Variants in SEC14L3 observed in about 807,000 individuals in gnomAD.
SEC14L3 encodes SEC14-like protein 3.
In SEC14L3, 56 loss-of-function variants were observed where a neutral mutation model predicts 57.4. The observed-to-expected ratio is 0.97, with a 90% CI of 0.79 to 1.22. The LOEUF is 1.22. Ranked by LOEUF, SEC14L3 falls within the 50% of genes most tolerant of loss-of-function variation. The pLI, the probability that SEC14L3 is intolerant of heterozygous loss-of-function variation, is 0.00. For synonymous variants in SEC14L3, 173 were observed against 194.4 expected, an observed-to-expected ratio of 0.89 and a Z score of 0.92; for missense variants, 485 against 511.7, an observed-to-expected ratio of 0.95 and a Z score of 0.50.
chr22:30,463,558 ATAATC>A (rs1388831930), intron 8 of SEC14L3, among the ~76,000 whole-genome samples: 2 of 152,210 alleles, frequency 1.3e-5, no homozygotes, highest in Non-Finnish European at 2.9e-5. Flanking sequence ...CCAGGCCCTC[ATAATC>A]TATCAAGTTC....
chr22:30,470,267 C>T lies in SEC14L3; in HGVS notation c.131-12G>A. On this transcript the variant is annotated splice_polypyrimidine_tract_variant and intron_variant, in intron 2 of 11. Coordinates refer to ENST00000215812, the MANE Select transcript of SEC14L3 (RefSeq NM_174975.5). ...GTCAAAATTCCGAGCTGTGGGAAAA[C>T]AGAAGGAAGGTGTGAGACAGGAAAG... 2 of 1,612,356 alleles carry T rather than the reference C, an allele frequency of 1.2e-6. No homozygotes were observed. The highest frequency in any genetic ancestry group is 1.3e-5 in the African/African-American group (1 of 75,012).
chr22:30,458,336 A>G (rs1033206732), downstream of SEC14L3, among the ~76,000 whole-genome samples: 3 of 152,166 alleles, frequency 2.0e-5, no homozygotes, highest in Admixed American at 2.0e-4. Flanking sequence ...CAGGATGCTG[A>G]GCTGAGGAAC....
downstream of SEC14L3, among the ~76,000 whole-genome samples, chr22:30,454,290 A>T (rs568534296): frequency 1.3e-3 from 202 of 152,030 alleles, no homozygotes; most frequent in African/African-American, 4.5e-3. Flanking sequence ...TCTGCAGCTT[A>T]AGAGGCTCTG....
intron 3 of SEC14L3, 28 bp from the exon 4 acceptor site, chr22:30,470,106 C>T (rs765249533): frequency 6.2e-7 from 1 of 1,608,436 alleles, no homozygotes; most frequent in East Asian, 2.2e-5. Flanking sequence ...GGTAAGATCC[C>T]ACTGGGCTCC....
chr22:30,455,125 A>G (rs1332955601), downstream of SEC14L3, among the ~76,000 whole-genome samples: 1 of 97,886 alleles, frequency 1.0e-5, no homozygotes, highest in South Asian at 2.6e-4. Context: ...TATTTAATAT[A>G]TATTATATTT....
chr22:30,453,179 T>C (rs766102046), intron 12 of SEC14L3, among the ~76,000 whole-genome samples: 3 of 152,208 alleles, frequency 2.0e-5, no homozygotes, highest in Non-Finnish European at 4.4e-5. Context: ...AGTATTGTCA[T>C]ATCCAGGTGG....
chr22:30,461,595 G>C lies in SEC14L3; in HGVS notation c.871C>G (p.Gln291Glu). Residue 291 changes from glutamine (Q) to glutamate (E), a missense_variant, in exon 10 of 12, where the codon CAA becomes GAA. Physicochemically the swap from Gln to Glu is conservative, Grantham distance 29. Transcript: ENST00000215812. ...GGAAATAGGATCTCGTATTCCACTT[G>C]GTGTGATGAGCCGCGGTTGATCTGC... ...SVQINRGSSH[Q>E]VEYEILFPGC... The C allele has an allele frequency of 6.2e-7, 1 of 1,614,112 alleles. No individual in the cohort carries two copies. Among genetic ancestry groups the C allele is most frequent in the Non-Finnish European group, 8.5e-7 (1 of 1,180,008 alleles).
At chr22:30,459,156 G>T (rs929476329), downstream of SEC14L3, 2 of 569,028 alleles carry the variant, frequency 3.5e-6, no homozygotes, top group Non-Finnish European at 4.4e-6. Flanking sequence ...CTTGGGGATG[G>T]CATGAGAATA....
chr22:30,470,793 AAAG>A (rs1157642737), intron 1 of SEC14L3: 4 of 717,320 alleles, frequency 5.6e-6, no homozygotes, highest in South Asian at 1.2e-4. Context: ...AAATGGTTAG[AAAG>A]AAGAATAGAT....
At position 30,459,592 on chromosome 22, in the gene SEC14L3, A is replaced by G; in HGVS notation, c.*429T>C. On this transcript the variant is annotated 3_prime_UTR_variant, in exon 12 of 12. Transcript: ENST00000215812. ...CACCCTACCTTCTGGTCCTCCATTC[A>G]ATGCCACAAATATACACTGAGCATC... is the stretch of plus-strand genomic sequence containing the variant. The G allele has an allele frequency of 2.0e-6, 2 of 989,172 alleles. No individual in the cohort carries two copies. The highest frequency in any genetic ancestry group is 2.4e-6 in the Non-Finnish European group (2 of 831,868). 61.3% of individuals were successfully genotyped at this position (989,172 alleles called of 1,614,324 possible).
At chr22:30,458,701 T>C (rs532519143), downstream of SEC14L3, among the ~76,000 whole-genome samples, 1 of 152,152 alleles carries the variant, frequency 6.6e-6, no homozygotes, top group Non-Finnish European at 1.5e-5. Context: ...CTGAGAGCAA[T>C]GTCATTGGAG....
chr22:30,460,127 T>C lies in SEC14L3; in HGVS notation c.1097A>G (p.Asp366Gly), dbSNP rs1422032015. The C allele has an allele frequency of 6.2e-7, 1 of 1,613,952 alleles. No homozygotes were observed. The highest frequency in any genetic ancestry group is 1.3e-5 in the African/African-American group (1 of 74,922). ...GGCGTGGACAAAGCTATAGGTGTTG[T>C]CGAAGCGTAGGACATCTGGGGGACA... ...SEAGVYVLRF[D>G]NTYSFVHAKK... Residue 366 changes from aspartate (D) to glycine (G), a missense_variant, in exon 12 of 12, where the codon GAC (aspartate) becomes GGC (glycine). By Grantham distance (94) the Asp-to-Gly change is moderately conservative. Coordinates refer to ENST00000215812, the MANE Select transcript of SEC14L3 (RefSeq NM_174975.5).
Position 30,470,541 on chromosome 22 carries a change from G to T in SEC14L3, c.96C>A (p.Asn32Lys), listed in dbSNP as rs1462409835. 1.2e-6 allele frequency: 2 copies of T among 1,614,192 alleles called. No individual in the cohort carries two copies. Among genetic ancestry groups the T allele is most frequent in the East Asian group, 2.2e-5 (1 of 44,882 alleles). Residue 32 changes from asparagine (N) to lysine (K), a missense_variant, in exon 2 of 12, where the codon AAC becomes AAA. Coordinates refer to ENST00000215812, the MANE Select transcript of SEC14L3 (RefSeq NM_174975.5). ...AGCGTAGAAGGAAATAATCATCAGG[G>T]TTGGGCAGGGCAGGAAGCACATCCT... ...NVQDVLPALP[N>K]PDDYFLLRWL...
chr22:30,463,502 T>C (rs1935330244), intron 8 of SEC14L3, among the ~76,000 whole-genome samples: 1 of 152,172 alleles, frequency 6.6e-6, no homozygotes, highest in African/African-American at 2.4e-5. Context: ...CCCACACTGC[T>C]CTAGGCTTTG....
At chr22:30,458,000 T>C (rs998688737), downstream of SEC14L3, among the ~76,000 whole-genome samples, 1 of 152,232 alleles carries the variant, frequency 6.6e-6, no homozygotes, top group Non-Finnish European at 1.5e-5. Flanking sequence ...GGGAAAGTGC[T>C]TGCTGCTGCT....
chr22:30,453,444 G>A (rs891379483), intron 12 of SEC14L3, among the ~76,000 whole-genome samples: 36 of 152,014 alleles, frequency 2.4e-4, no homozygotes, highest in Admixed American at 8.5e-4. Context: ...ATGGAGTCTC[G>A]CTCCGTTGCC....
intron 11 of SEC14L3, 141 bp from the exon 12 acceptor site, chr22:30,460,283 C>T (rs548949727): frequency 1.4e-6 from 2 of 1,477,454 alleles, no homozygotes; most frequent in East Asian, 4.6e-5. Flanking sequence ...CGCCTCTTCC[C>T]TTCCCCATGG....
chr22:30,470,051 T>C lies in SEC14L3; in HGVS notation c.202A>G (p.Ile68Val). Residue 68 changes from isoleucine (I) to valine (V), a missense_variant, in exon 4 of 12, where the codon ATT becomes GTT. Coordinates refer to ENST00000215812, the MANE Select transcript of SEC14L3 (RefSeq NM_174975.5). ...KYMEFRKTMD[I>V]DHILDWQPPE... ...GGCTGCCAATCAAGGATATGGTCAA[T>C]ATCCATGGTCTTCCGGAACTCCATG... 6.3e-7 allele frequency: 1 copy of C among 1,591,878 alleles called. No individual in the cohort carries two copies. The highest frequency in any genetic ancestry group is 8.6e-7 in the Non-Finnish European group (1 of 1,168,292).
At chr22:30,448,943 C>T (rs1178863453) in exon 13 of SEC14L3, 2 of 722,918 alleles carry the variant, frequency 2.8e-6, no homozygotes, top group East Asian at 2.7e-5. Context: ...CTTGGTCTGC[C>T]CTAGGCCCTC....
Sources: allele counts gnomAD v4.1 joint callset (sites outside exome capture counted in the v4.1 genomes callset), GRCh38; gene constraint gnomAD v4.1.1; transcripts MANE v1.5; gene names NCBI Gene and HGNC (gene_info 2026-07-23, HGNC 2026-07-21).